Variants in SDK1 observed in about 807,000 individuals in gnomAD.
SDK1 encodes the protein sidekick cell adhesion molecule 1.
A neutral mutation model predicts 245.5 loss-of-function variants in SDK1; 157 were observed. That is an observed-to-expected ratio of 0.64 (90% CI 0.56 to 0.73). SDK1 has a LOEUF of 0.73. Ranked by LOEUF, SDK1 falls within the 30% of genes least tolerant of loss-of-function variation. The pLI is 0.00. For missense variants in SDK1, 3,583 were observed against 3,002.3 expected, an observed-to-expected ratio of 1.19 and a Z score of -4.52; for synonymous variants, 1,647 against 1,278.5, an observed-to-expected ratio of 1.29 and a Z score of -6.15.
At chr7:4,208,400 C>G (rs1784350533) in intron 37 of SDK1, 115 bp downstream of exon 37, 1 of 895,154 alleles carries the variant, frequency 1.1e-6, no homozygotes, top group Non-Finnish European at 1.7e-6. Flanking sequence ...AAGGCAACAC[C>G]TTTTGAGTAG....
At chr7:4,206,842 A>G (rs1395952216) in intron 36 of SDK1, among the ~76,000 whole-genome samples, 2 of 152,154 alleles carry the variant, frequency 1.3e-5, no homozygotes, top group Admixed American at 6.5e-5. Context: ...CCTAATGACT[A>G]TTGGACCGAT....
chr7:3,827,638 C>T (rs1369269601), intron 5 of SDK1, among the ~76,000 whole-genome samples: 1 of 152,230 alleles, frequency 6.6e-6, no homozygotes, highest in African/African-American at 2.4e-5. Context: ...CTAACTGTAA[C>T]ACAGTCCACT....
intron 1 of SDK1, among the ~76,000 whole-genome samples, chr7:3,386,250 G>C (rs575392671): frequency 4.6e-5 from 7 of 152,128 alleles, no homozygotes; most frequent in Non-Finnish European, 1.0e-4. Context: ...GCAAGATTTG[G>C]TTTTATACTT....
chr7:3,739,565 T>A lies in SDK1; in HGVS notation c.714-81885T>A, dbSNP rs571480524. 2.1e-4 allele frequency among the ~76,000 whole-genome samples: 32 copies of A among 152,336 alleles called. 1 individual carries two copies. Among genetic ancestry groups the A allele is most frequent in the African/African-American group, 7.7e-4 (32 of 41,590 alleles). On this transcript the variant is annotated intron_variant, in intron 4 of 44. Coordinates refer to ENST00000404826, the MANE Select transcript of SDK1 (RefSeq NM_152744.4). ...TTTTCTGCAGATTAAAATATACTGT[T>A]GAGTCCCTCCAGTGAATTTATTTGT...
intron 4 of SDK1, among the ~76,000 whole-genome samples, chr7:3,764,622 C>T (rs1454562557): frequency 6.6e-6 from 1 of 152,048 alleles, no homozygotes; most frequent in Non-Finnish European, 1.5e-5. Context: ...GCAGAGGTTG[C>T]AGCGAGCAGG....
At chr7:3,366,781 C>T (rs1781104032) in intron 1 of SDK1, among the ~76,000 whole-genome samples, 1 of 151,974 alleles carries the variant, frequency 6.6e-6, no homozygotes, top group African/African-American at 2.4e-5. Context: ...CTTGCTCTGT[C>T]ACCAGGTTGG....
At chr7:3,931,592 G>A (rs1425624726) in intron 5 of SDK1, among the ~76,000 whole-genome samples, 2 of 152,160 alleles carry the variant, frequency 1.3e-5, no homozygotes, top group African/African-American at 4.8e-5. Flanking sequence ...TTCTATTCAG[G>A]CATGTGGGGT....
chr7:4,049,565 C>G, intron 18 of SDK1, 102 bp downstream of exon 18: 1 of 844,804 alleles, frequency 1.2e-6, no homozygotes, highest in Non-Finnish European at 2.0e-6. Flanking sequence ...GAGCTGGTTG[C>G]ATTAAGATAC....
At chr7:3,610,163 G>C (rs922265834) in intron 1 of SDK1, among the ~76,000 whole-genome samples, 5 of 152,182 alleles carry the variant, frequency 3.3e-5, no homozygotes, top group Non-Finnish European at 7.3e-5. Context: ...GTAATTTCTT[G>C]ATATAAAATT....
chr7:3,465,705 C>T (rs1780978643), intron 1 of SDK1, among the ~76,000 whole-genome samples: 1 of 152,148 alleles, frequency 6.6e-6, no homozygotes, highest in African/African-American at 2.4e-5. Flanking sequence ...TATGATCATT[C>T]AGGCGCGTGT....
intron 44 of SDK1, 112 bp downstream of exon 44, chr7:4,245,917 G>A (rs1786824362): frequency 9.1e-6 from 12 of 1,319,184 alleles, no homozygotes; most frequent in Non-Finnish European, 9.5e-6. Flanking sequence ...CATCCCCACA[G>A]GCAGAGCCAA....
chr7:3,647,841 A>G (rs1782897477), intron 4 of SDK1, among the ~76,000 whole-genome samples: 1 of 152,196 alleles, frequency 6.6e-6, no homozygotes, highest in Non-Finnish European at 1.5e-5. Context: ...TGTGAAGAAA[A>G]GTCGTGTAAT....
Position 4,011,112 on chromosome 7 carries a change from A to C in SDK1, c.2278A>C (p.Arg760=). Residue 760 remains arginine (R), a splice_region_variant and synonymous_variant, in exon 15 of 45, where the codon AGG becomes CGG. Coordinates refer to ENST00000404826, the MANE Select transcript of SDK1 (RefSeq NM_152744.4). ...GRGQYSAETS[R]LMLPEEPPSA... is the part of the protein sequence containing the mutation. ...GGGCCAGTACAGCGCCGAGACAAGC[A>C]GGTGCGTGAATCCCGCCCCAGGTGG... is the stretch of plus-strand genomic sequence containing the variant. 1 of 1,613,532 alleles carries C rather than the reference A, an allele frequency of 6.2e-7. No individual in the cohort carries two copies. Among genetic ancestry groups the C allele is most frequent in the Non-Finnish European group, 8.5e-7 (1 of 1,179,950 alleles).
At chr7:3,719,156 A>G (rs760682780) in intron 4 of SDK1, among the ~76,000 whole-genome samples, 6 of 152,094 alleles carry the variant, frequency 3.9e-5, no homozygotes, top group Non-Finnish European at 8.8e-5. Flanking sequence ...AATAGAAACT[A>G]TTTTGAAATT....
At chr7:4,255,385 C>T (rs1398813206) in intron 44 of SDK1, among the ~76,000 whole-genome samples, 2 of 152,222 alleles carry the variant, frequency 1.3e-5, no homozygotes. Context: ...GAGGTGAGGA[C>T]AATAGCCTTC....
intron 1 of SDK1, among the ~76,000 whole-genome samples, chr7:3,575,276 C>T (rs1211031843): frequency 1.3e-5 from 2 of 151,978 alleles, no homozygotes; most frequent in Non-Finnish European, 2.9e-5. Context: ...AAAAGGGAGA[C>T]AGCACGCATG....
At chr7:3,564,518 C>T (rs908854852) in intron 1 of SDK1, among the ~76,000 whole-genome samples, 1 of 151,386 alleles carries the variant, frequency 6.6e-6, no homozygotes, top group Non-Finnish European at 1.5e-5. Flanking sequence ...AAATACAGGA[C>T]AATGACAAAA....
chr7:3,643,924 A>T (rs1782737507), intron 4 of SDK1: 1 of 150,068 alleles, frequency 6.7e-6, no homozygotes, highest in African/African-American at 2.4e-5. Context: ...TATTATTTTG[A>T]GACAGAGTCC....
chr7:3,780,068 A>G (rs905717142), intron 4 of SDK1, among the ~76,000 whole-genome samples: 6 of 152,208 alleles, frequency 3.9e-5, no homozygotes, highest in Admixed American at 1.3e-4. Flanking sequence ...ACAGACTAGA[A>G]TATCTTTTTG....
Sources: gnomAD v4.1 joint callset for allele counts (sites outside exome capture counted in the v4.1 genomes callset) on GRCh38, gnomAD v4.1.1 for gene constraint, MANE v1.5 for transcripts, NCBI Gene and HGNC (gene_info 2026-07-23, HGNC 2026-07-21) for gene names.